CNOT2: variants seen among roughly 807,000 people sequenced by gnomAD.
CNOT2 encodes the protein CC chemokine receptor 4-negative regulator of transcription 2.
A neutral mutation model predicts 72.1 loss-of-function variants in CNOT2; 7 were observed. That is an observed-to-expected ratio of 0.10 (90% CI 0.06 to 0.18). The LOEUF is 0.18. Ranked by LOEUF, CNOT2 falls within the 10% of genes least tolerant of loss-of-function variation. The probability of loss-of-function intolerance (pLI) is 1.00; values close to 1 mark genes in which losing one functional copy is unlikely to be tolerated. For missense variants in CNOT2, 345 were observed against 660.3 expected, an observed-to-expected ratio of 0.52 and a Z score of 5.23; for synonymous variants, 196 against 225.6, an observed-to-expected ratio of 0.87 and a Z score of 1.17.
At chr12:70,294,008 G>A in intron 2 of CNOT2, 1 of 663,982 alleles carries the variant, frequency 1.5e-6, no homozygotes, top group Non-Finnish European at 2.4e-6. Flanking sequence ...AGGTGAACAG[G>A]GAGTCATAAT....
At chr12:70,261,293 TTTTC>T (rs1340781890) in intron 1 of CNOT2, among the ~76,000 whole-genome samples, 4 of 148,010 alleles carry the variant, frequency 2.7e-5, no homozygotes, top group Non-Finnish European at 5.9e-5. Flanking sequence ...TTTGTGCCTA[TTTTC>T]TTTCTTTCTT....
intron 4 of CNOT2, chr12:70,321,917 G>A (rs1002382819): frequency 2.0e-5 from 3 of 151,648 alleles, no homozygotes; most frequent in African/African-American, 7.3e-5. Flanking sequence ...AGACCTGTAT[G>A]GTCTTCAGTT....
intron 2 of CNOT2, among the ~76,000 whole-genome samples, chr12:70,303,557 T>G (rs1874544758): frequency 6.6e-6 from 1 of 152,254 alleles, no homozygotes; most frequent in South Asian, 2.1e-4. Flanking sequence ...CACTCTCTTC[T>G]GGCTTGTAGA....
intron 2 of CNOT2, among the ~76,000 whole-genome samples, chr12:70,300,834 G>C (rs538387937): frequency 6.6e-6 from 1 of 152,148 alleles, no homozygotes; most frequent in Non-Finnish European, 1.5e-5. Context: ...TCACGATATT[G>C]ATTCTTCCTA....
rs183429805 is a variant in CNOT2 at position 70,352,633 on chromosome 12, T to C, written c.1537-1196T>C. On this transcript the variant is annotated intron_variant, in intron 15 of 15. Transcript: ENST00000229195. Reference sequence around the variant, plus strand: ...CTTAATCTTTAATACATAATACATATTAAGCTTCATAATTCTTTAAGTTGG... The same window carrying C: ...CTTAATCTTTAATACATAATACATACTAAGCTTCATAATTCTTTAAGTTGG... 1.7e-4 allele frequency among the ~76,000 whole-genome samples: 26 copies of C among 152,338 alleles called. No homozygotes were observed. The East Asian group carries it at 5.0e-3, about 29-fold the overall frequency.
At position 70,310,942 on chromosome 12, in the gene CNOT2, G is replaced by T; in HGVS notation, c.96G>T (p.Gly32=). The change falls in exon 3 of 16, where the codon GGG becomes GGT. Residue 32 remains glycine (G), a synonymous_variant. Coordinates refer to ENST00000229195, the MANE Select transcript of CNOT2 (RefSeq NM_014515.7). ...CTTCAAGAAAGAAGTTTGTAGAGGG[G>T]GTCGACAGTGACTACCATGACGAAA... is the stretch of plus-strand genomic sequence containing the variant. ...FGASRKKFVE[G]VDSDYHDENM... The T allele has an allele frequency of 2.5e-6, 4 of 1,610,572 alleles. No individual in the cohort carries two copies. Among genetic ancestry groups the T allele is most frequent in the Non-Finnish European group, 3.4e-6 (4 of 1,177,304 alleles).
At chr12:70,342,622 G>C (rs1198220856) in intron 13 of CNOT2, among the ~76,000 whole-genome samples, 1 of 151,852 alleles carries the variant, frequency 6.6e-6, no homozygotes, top group African/African-American at 2.4e-5. Flanking sequence ...AAGTATTACA[G>C]ATACAGTGTT....
chr12:70,332,241 C>T (rs1329145270), intron 6 of CNOT2, among the ~76,000 whole-genome samples: 2 of 151,660 alleles, frequency 1.3e-5, no homozygotes, highest in East Asian at 1.9e-4. Flanking sequence ...GGGCAGAAGA[C>T]ACAGAGAGGA....
Position 70,354,085 on chromosome 12 carries a change from C to T in CNOT2, c.*170C>T. 4.9e-6 allele frequency: 6 copies of T among 1,212,980 alleles called. No homozygotes were observed. Among genetic ancestry groups the T allele is most frequent in the Non-Finnish European group, 6.5e-6 (6 of 922,308 alleles). The allele number at this position is 1,212,980 out of a possible 1,614,324, so 75.1% of individuals were successfully genotyped here. ...GGTCACCATTTGAGGTCCTGCCTTA[C>T]TAATTATGTGCTGCCCAACAACTAA... On this transcript the variant is annotated 3_prime_UTR_variant, in exon 16 of 16. Coordinates refer to ENST00000229195, the MANE Select transcript of CNOT2 (RefSeq NM_014515.7).
intron 1 of CNOT2, among the ~76,000 whole-genome samples, chr12:70,257,560 G>C (rs1958521272): frequency 1.3e-5 from 2 of 151,366 alleles, no homozygotes; most frequent in African/African-American, 4.8e-5. Flanking sequence ...GTAGAGATGG[G>C]GTTTCACCGT....
chr12:70,323,704 A>G (rs530150634), intron 4 of CNOT2: 64 of 151,944 alleles, frequency 4.2e-4, no homozygotes, highest in African/African-American at 1.5e-3. Context: ...TGATTTCAGC[A>G]AGAAGTACAG....
intron 1 of CNOT2, among the ~76,000 whole-genome samples, chr12:70,272,287 G>A (rs775571155): frequency 4.7e-4 from 72 of 152,196 alleles, no homozygotes; most frequent in Non-Finnish European, 6.9e-4. Context: ...GATACAGACA[G>A]AAAACAAATG....
intron 1 of CNOT2, among the ~76,000 whole-genome samples, chr12:70,274,098 G>A (rs1158502742): frequency 6.6e-6 from 1 of 152,048 alleles, no homozygotes. Context: ...CCCAGACCAG[G>A]TATGGTATTC....
chr12:70,253,504 G>T (rs547911326), intron 1 of CNOT2, among the ~76,000 whole-genome samples: 41 of 152,032 alleles, frequency 2.7e-4, no homozygotes, highest in Non-Finnish European at 5.4e-4. Context: ...CATTGAGTAC[G>T]TGCTCATCTT....
intron 4 of CNOT2, chr12:70,323,129 G>A (rs1878556943): frequency 6.6e-6 from 1 of 151,622 alleles, no homozygotes; most frequent in South Asian, 2.1e-4. Flanking sequence ...CAAAAAGCAG[G>A]TAGGAATTAA....
At chr12:70,308,816 A>G (rs1382503883) in intron 2 of CNOT2, among the ~76,000 whole-genome samples, 1 of 152,154 alleles carries the variant, frequency 6.6e-6, no homozygotes, top group African/African-American at 2.4e-5. Flanking sequence ...AACAGTGTCA[A>G]AAGAAGAGTT....
chr12:70,292,357 G>A (rs1444097777), intron 2 of CNOT2, among the ~76,000 whole-genome samples: 3 of 152,130 alleles, frequency 2.0e-5, no homozygotes, highest in South Asian at 4.1e-4. Flanking sequence ...GATAAGTCTC[G>A]GATTGGAGAA....
At chr12:70,344,700 G>A (rs1247338942) in intron 14 of CNOT2, 1 of 152,520 alleles carries the variant, frequency 6.6e-6, no homozygotes, top group African/African-American at 2.4e-5. Context: ...GCACTCTAGT[G>A]TGGCTGACAG....
intron 11 of CNOT2, 107 bp downstream of exon 11, chr12:70,338,929 C>G: frequency 2.3e-6 from 2 of 882,742 alleles, no homozygotes; most frequent in Non-Finnish European, 3.5e-6. Context: ...CATTGTTAAC[C>G]TGCTGATTCT....
Sources: allele counts gnomAD v4.1 joint callset (sites outside exome capture counted in the v4.1 genomes callset), GRCh38; gene constraint gnomAD v4.1.1; transcripts MANE v1.5; gene names NCBI Gene and HGNC (gene_info 2026-07-23, HGNC 2026-07-21).